The following NFATC3 variants were observed in gnomAD, a reference collection of about 807,000 sequenced individuals.
NFATC3 encodes the protein nuclear factor of activated T-cells, cytoplasmic 3.
Under a neutral mutation model 98.6 loss-of-function variants are expected in NFATC3, and 46 were observed. The observed-to-expected ratio is 0.47, with a 90% CI of 0.37 to 0.60. NFATC3 has a LOEUF of 0.60. Ranked by LOEUF, NFATC3 falls within the 20% of genes least tolerant of loss-of-function variation. The pLI is 0.00. For synonymous variants in NFATC3, 512 were observed against 472.2 expected (o/e 1.08, Z -1.09); for missense variants, 1,256 against 1,295.5 (o/e 0.97, Z 0.47).
chr16:68,089,196 TAGTG>T (rs1056060420), intron 1 of NFATC3: 33 of 985,166 alleles, frequency 3.3e-5, no homozygotes, highest in Non-Finnish European at 2.4e-6. Context: ...TTTTGAAAAA[TAGTG>T]AGGTAAGTGG....
At chr16:68,131,666 T>A (rs888349492) in intron 3 of NFATC3, among the ~76,000 whole-genome samples, 5 of 151,556 alleles carry the variant, frequency 3.3e-5, no homozygotes, top group South Asian at 2.1e-4. Flanking sequence ...TTTTTTTTTT[T>A]AAGTAGAAAC....
At chr16:68,204,874 G>C (rs1233863019) in intron 9 of NFATC3, among the ~76,000 whole-genome samples, 1 of 152,126 alleles carries the variant, frequency 6.6e-6, no homozygotes, top group Non-Finnish European at 1.5e-5. Context: ...GCTTTTTGTG[G>C]TTTGGTGGCA....
At chr16:68,132,490 G>T (rs1235752198) in intron 3 of NFATC3, among the ~76,000 whole-genome samples, 3 of 152,166 alleles carry the variant, frequency 2.0e-5, no homozygotes, top group African/African-American at 7.2e-5. Flanking sequence ...CAGTCTAAAG[G>T]TTGCTCAAAA....
rs1350329993 is a variant in NFATC3, at chr16:68,229,176, C to T, written c.*2705C>T. ...TTTTATGGGAGTGCAGTGCTCCTTA[C>T]ACAAATACAAAGGGAAGAAGAGCCA... On this transcript the variant is annotated 3_prime_UTR_variant, in exon 10 of 10. Transcript: ENST00000346183. The T allele has an allele frequency of 1.3e-5, 2 of 152,222 alleles. No homozygotes were observed. The highest frequency in any genetic ancestry group is 2.9e-5 in the Non-Finnish European group (2 of 68,050). The allele number at this position is 152,222 out of a possible 1,614,324, so 9.4% of individuals were successfully genotyped here.
In NFATC3 at chr16:68,221,441, G is replaced by T. The variant is rs1186625169; in HGVS notation, c.3107-4909G>T. Reference sequence around the variant, plus strand: ...CTCCCTAGCCTAAAATTTATATTCAGTGCTCACCTGTAGCAATTACTTGAG... The same window carrying T: ...CTCCCTAGCCTAAAATTTATATTCATTGCTCACCTGTAGCAATTACTTGAG... On this transcript the variant is annotated intron_variant, in intron 9 of 9. Coordinates refer to ENST00000346183, the MANE Select transcript of NFATC3 (RefSeq NM_173165.3). 2.9e-6 allele frequency: 4 copies of T among 1,380,766 alleles called. No individual in the cohort carries two copies. The African/African-American group carries it at 4.4e-5, about 15-fold the overall frequency. 85.5% of individuals were successfully genotyped at this position (1,380,766 alleles called of 1,614,324 possible).
intron 9 of NFATC3, among the ~76,000 whole-genome samples, chr16:68,210,638 A>G (rs1288623539): frequency 2.6e-5 from 4 of 151,636 alleles, no homozygotes; most frequent in African/African-American, 7.3e-5. Flanking sequence ...ACTTTAATTG[A>G]TTTTCATTTG....
At chr16:68,089,849 A>T (rs564930076) in intron 1 of NFATC3, among the ~76,000 whole-genome samples, 2 of 152,222 alleles carry the variant, frequency 1.3e-5, no homozygotes, top group South Asian at 4.2e-4. Flanking sequence ...CTAAATATTG[A>T]CTTTCTAGTC....
chr16:68,191,366 T>G lies in NFATC3; in HGVS notation c.2697T>G (p.Ala899=). The change falls in exon 9 of 10, where the codon GCT becomes GCG. Residue 899 remains alanine (A), a synonymous_variant. Coordinates refer to ENST00000346183, the MANE Select transcript of NFATC3 (RefSeq NM_173165.3). ...TGQRSLSSPV[A]DQITGQPSSQ... ...AAAGATCTCTTTCTTCTCCAGTGGC[T>G]GACCAGATTACAGGTCAGCCTTCGT... 6.2e-7 allele frequency: 1 copy of G among 1,614,228 alleles called. No homozygotes were observed. The highest frequency in any genetic ancestry group is 8.5e-7 in the Non-Finnish European group (1 of 1,180,038).
At chr16:68,125,672 A>T (rs2036798900) in intron 2 of NFATC3, among the ~76,000 whole-genome samples, 1 of 152,140 alleles carries the variant, frequency 6.6e-6, no homozygotes, top group African/African-American at 2.4e-5. Context: ...ACACAGAGAG[A>T]GATGTTTGGA....
intron 3 of NFATC3, among the ~76,000 whole-genome samples, chr16:68,136,677 G>A (rs573746446): frequency 6.6e-6 from 1 of 152,088 alleles, no homozygotes; most frequent in Non-Finnish European, 1.5e-5. Flanking sequence ...ATCACTGGGC[G>A]ATTTCCTTGT....
At chr16:68,147,073 A>G (rs1038171856) in intron 3 of NFATC3, among the ~76,000 whole-genome samples, 3 of 152,220 alleles carry the variant, frequency 2.0e-5, no homozygotes, top group Non-Finnish European at 4.4e-5. Context: ...GTGTTATGAA[A>G]TATATTCCCT....
intron 2 of NFATC3, among the ~76,000 whole-genome samples, chr16:68,123,411 C>T (rs1246951589): frequency 2.7e-5 from 4 of 150,290 alleles, no homozygotes; most frequent in African/African-American, 9.8e-5. Flanking sequence ...TTTGTATTCC[C>T]AACACTTGGG....
chr16:68,174,652 A>G, intron 6 of NFATC3, 138 bp downstream of exon 6: 1 of 639,670 alleles, frequency 1.6e-6, no homozygotes, highest in Non-Finnish European at 2.3e-6. Flanking sequence ...TTTTATTTTA[A>G]ACCAAACATT....
intron 1 of NFATC3, among the ~76,000 whole-genome samples, chr16:68,113,128 T>C (rs2151485183): frequency 6.6e-6 from 1 of 152,340 alleles, no homozygotes; most frequent in African/African-American, 2.4e-5. Flanking sequence ...TCTCTGCCCT[T>C]GATGGAGAAG....
chr16:68,136,123 T>C (rs1392763891), intron 3 of NFATC3, among the ~76,000 whole-genome samples: 1 of 152,050 alleles, frequency 6.6e-6, no homozygotes, highest in Non-Finnish European at 1.5e-5. Context: ...ACTGTGAACA[T>C]TTGTCTAAAA....
chr16:68,206,530 CATA>C (rs2041151838), intron 9 of NFATC3, among the ~76,000 whole-genome samples: 1 of 152,108 alleles, frequency 6.6e-6, no homozygotes, highest in African/African-American at 2.4e-5. Flanking sequence ...TTTCACTTAG[CATA>C]ATGTTTTCAA....
chr16:68,093,149 G>A (rs2034820492), intron 1 of NFATC3, among the ~76,000 whole-genome samples: 1 of 152,056 alleles, frequency 6.6e-6, no homozygotes, highest in African/African-American at 2.4e-5. Flanking sequence ...TTCAGTCCCA[G>A]TGTGAAACCT....
chr16:68,169,623 A>G (rs2039366371), intron 5 of NFATC3, among the ~76,000 whole-genome samples: 1 of 151,954 alleles, frequency 6.6e-6, no homozygotes, highest in Non-Finnish European at 1.5e-5. Flanking sequence ...CGCTAAAATG[A>G]TTCTTAATTT....
chr16:68,211,613 C>A (rs2041400305), intron 9 of NFATC3, among the ~76,000 whole-genome samples: 1 of 151,940 alleles, frequency 6.6e-6, no homozygotes, highest in Admixed American at 6.6e-5. Context: ...ACTTCCGCCT[C>A]CCAGGTTCAA....
Sources: gnomAD v4.1 joint callset for allele counts (sites outside exome capture counted in the v4.1 genomes callset) on GRCh38, gnomAD v4.1.1 for gene constraint, MANE v1.5 for transcripts, NCBI Gene and HGNC (gene_info 2026-07-23, HGNC 2026-07-21) for gene names.